DNAJA3: variants seen among roughly 807,000 people sequenced by gnomAD.
DNAJA3 encodes the protein DnaJ heat shock protein family (Hsp40) member A3.
A neutral mutation model predicts 54.9 loss-of-function variants in DNAJA3; 29 were observed. The observed-to-expected ratio is 0.53, with a 90% CI of 0.39 to 0.72. The LOEUF (loss-of-function observed/expected upper bound fraction) is 0.72. DNAJA3 is among the 30% of genes least tolerant of loss of function. DNAJA3 has a pLI of 0.00. For synonymous variants in DNAJA3, 302 were observed against 251.4 expected (o/e 1.20, Z -1.90); for missense variants, 708 against 639.4 (o/e 1.11, Z -1.16).
chr16:4,443,833 C>T (rs1164675630), intron 6 of DNAJA3, among the ~76,000 whole-genome samples: 2 of 152,080 alleles, frequency 1.3e-5, no homozygotes, highest in African/African-American at 4.8e-5. Context: ...ACTACAGGCA[C>T]CTGCCACCAC....
At position 4,454,807 on chromosome 16, in the gene DNAJA3, C is replaced by G; in HGVS notation, c.1340-4C>G. ...CGCCAGTTCTTTCTGCTGTTTGTGC[C>G]CAGGTGGCAGCACCATGGATAGCTC... On this transcript the variant is annotated splice_polypyrimidine_tract_variant and splice_region_variant and intron_variant, in intron 10 of 11. Coordinates refer to ENST00000262375, the MANE Select transcript of DNAJA3 (RefSeq NM_005147.6). 6.2e-7 allele frequency: 1 copy of G among 1,610,084 alleles called. No homozygotes were observed. Among genetic ancestry groups the G allele is most frequent in the Non-Finnish European group, 8.5e-7 (1 of 1,176,676 alleles).
At chr16:4,455,117 C>T (rs1203566807) in intron 11 of DNAJA3, among the ~76,000 whole-genome samples, 190 bp downstream of exon 11, 1 of 152,178 alleles carries the variant, frequency 6.6e-6, no homozygotes, top group Non-Finnish European at 1.5e-5. Flanking sequence ...TGGCAATCAG[C>T]CTGTAGTGCA....
At chr16:4,435,344 A>G (rs2141374769) in intron 2 of DNAJA3, among the ~76,000 whole-genome samples, 1 of 152,206 alleles carries the variant, frequency 6.6e-6, no homozygotes, top group Non-Finnish European at 1.5e-5. Flanking sequence ...AAATAAAATC[A>G]ATATTGGAGG....
intron 1 of DNAJA3, chr16:4,433,176 G>A (rs1302258250): frequency 6.6e-6 from 1 of 152,222 alleles, no homozygotes; most frequent in African/African-American, 2.4e-5. Context: ...TATCTGTTAA[G>A]TGGATGAACT....
chr16:4,449,153 T>G (rs1027572281), intron 9 of DNAJA3, among the ~76,000 whole-genome samples: 1 of 146,578 alleles, frequency 6.8e-6, no homozygotes, highest in Non-Finnish European at 1.5e-5. Flanking sequence ...CCTGCCACCA[T>G]GCCCGGCTAA....
chr16:4,434,190 C>T lies in DNAJA3; in HGVS notation c.212-194C>T, dbSNP rs545710042. The T allele has an allele frequency of 1.5e-5, 9 of 584,290 alleles. No homozygotes were observed. The East Asian group carries it at 2.1e-4, about 14-fold the overall frequency. 36.2% of individuals were successfully genotyped at this position (584,290 alleles called of 1,614,324 possible). On this transcript the variant is annotated intron_variant, in intron 1 of 11. Coordinates refer to ENST00000262375, the MANE Select transcript of DNAJA3 (RefSeq NM_005147.6). ...GTAACCGCTCCTGTGATTCAGTTAC[C>T]TCCCATCAGGTCCCTCCCATGACAC...
chr16:4,429,169 G>C (rs925178492), intron 1 of DNAJA3, among the ~76,000 whole-genome samples: 1 of 151,490 alleles, frequency 6.6e-6, no homozygotes, highest in African/African-American at 2.4e-5. Context: ...TTACAGGTGT[G>C]AGCCACCGCG....
intron 6 of DNAJA3, 24 bp downstream of exon 6, chr16:4,443,188 C>T: frequency 6.2e-7 from 1 of 1,612,970 alleles, no homozygotes; most frequent in South Asian, 1.1e-5. Flanking sequence ...CCCGCCATGT[C>T]CAGGAGCTTG....
In DNAJA3 at chr16:4,456,114, C is replaced by G. The variant is rs893334162; in HGVS notation, c.*582C>G. ...TTTTTATTCCCGGGGTACCAAGCAG[C>G]TGCACAGTCGGTGCCTGGGAGGCAC... On this transcript the variant is annotated 3_prime_UTR_variant, in exon 12 of 12. Coordinates refer to ENST00000262375, the MANE Select transcript of DNAJA3 (RefSeq NM_005147.6). 6.4e-6 allele frequency: 1 copy of G among 157,076 alleles called. No homozygotes were observed. Among genetic ancestry groups the G allele is most frequent in the Non-Finnish European group, 1.4e-5 (1 of 70,856 alleles). The allele number at this position is 157,076 out of a possible 1,614,324, so 9.7% of individuals were successfully genotyped here.
At position 4,442,629 on chromosome 16, in the gene DNAJA3, C is replaced by T. The variant is rs1273308645; in HGVS notation, c.783+209C>T. ...GCTCAGCAACCAGAGCACAGCAGCT[C>T]CGGGGGCGGGGCGGGGGATTGCATC... On this transcript the variant is annotated intron_variant, in intron 5 of 11. Transcript: ENST00000262375. 7 of 569,028 alleles carry T rather than the reference C, an allele frequency of 1.2e-5. No homozygotes were observed. In the East Asian group the frequency reaches 2.2e-4, roughly 18 times the overall value. 35.2% of individuals were successfully genotyped at this position (569,028 alleles called of 1,614,324 possible). A position where few individuals can be genotyped will look rare whatever the true frequency, so the allele number is the denominator to read the frequency against.
Position 4,454,944 on chromosome 16 carries a change from G to A in DNAJA3, c.*13+17G>A. The A allele has an allele frequency of 6.4e-7, 1 of 1,561,652 alleles. No homozygotes were observed. The highest frequency in any genetic ancestry group is 8.8e-7 in the Non-Finnish European group (1 of 1,136,068). ...CCAGCCGAGGTAGGAAAACCCTGGA[G>A]GTTTTTTTTCCCTTTGTTTTCCTCT... On this transcript the variant is annotated intron_variant, in intron 11 of 11. Coordinates refer to ENST00000262375, the MANE Select transcript of DNAJA3 (RefSeq NM_005147.6).
chr16:4,447,088 C>T, intron 8 of DNAJA3, 74 bp downstream of exon 8: 1 of 1,547,726 alleles, frequency 6.5e-7, no homozygotes, highest in Non-Finnish European at 8.7e-7. Flanking sequence ...AAGAACTGAC[C>T]AGTGGCCTGG....
At chr16:4,442,787 C>G in intron 5 of DNAJA3, 1 of 582,958 alleles carries the variant, frequency 1.7e-6, no homozygotes, top group Non-Finnish European at 3.0e-6. Flanking sequence ...TCATATTTTT[C>G]AGTGTCGTGT....
In DNAJA3 at chr16:4,442,357, C is replaced by T. The variant is rs145854204; in HGVS notation, c.720C>T (p.Asn240=). The change falls in exon 5 of 12, where the codon AAC becomes AAT. Residue 240 remains asparagine (N), a synonymous_variant. Coordinates refer to ENST00000262375, the MANE Select transcript of DNAJA3 (RefSeq NM_005147.6). ...TCATGGACACGTGTGAGCGCTGCAA[C>T]GGCAAGGGGAACGAGCCCGGCACCA... The part of the protein sequence containing the change: ...VNIMDTCERC[N]GKGNEPGTKV... 7.6e-5 allele frequency: 123 copies of T among 1,609,876 alleles called. 1 individual carries two copies. The South Asian group carries it at 9.2e-4, about 12-fold the overall frequency.
intron 1 of DNAJA3, 95 bp downstream of exon 1, chr16:4,426,187 G>T (rs904325857): frequency 3.1e-6 from 4 of 1,306,604 alleles, no homozygotes; most frequent in Middle Eastern, 2.0e-4. Context: ...TAGTGGGGTG[G>T]AGGGTGTCTT....
At chr16:4,442,571 C>T (rs757738103) in intron 5 of DNAJA3, 151 bp downstream of exon 5, 144 of 897,014 alleles carry the variant, frequency 1.6e-4, no homozygotes, top group Non-Finnish European at 1.3e-4. Context: ...CCTGAGGAGA[C>T]GAGCCTGTGC....
chr16:4,447,045 C>T, intron 8 of DNAJA3, 31 bp downstream of exon 8: 1 of 1,600,834 alleles, frequency 6.2e-7, no homozygotes, highest in Non-Finnish European at 8.5e-7. Context: ...CTTTGTCACC[C>T]CTGTACTTTA....
intron 10 of DNAJA3, among the ~76,000 whole-genome samples, chr16:4,453,480 C>G (rs778412192): frequency 1.3e-5 from 2 of 151,642 alleles, no homozygotes; most frequent in Non-Finnish European, 2.9e-5. Context: ...CTCTGTCACC[C>G]GGGCCGGAGT....
intron 1 of DNAJA3, chr16:4,431,017 C>A (rs1190952654): frequency 2.6e-5 from 4 of 152,150 alleles, no homozygotes; most frequent in African/African-American, 9.7e-5. Flanking sequence ...GCACTCCAGC[C>A]TGGGTGACAG....
Sources: gnomAD v4.1 joint callset for allele counts (sites outside exome capture counted in the v4.1 genomes callset) on GRCh38, gnomAD v4.1.1 for gene constraint, MANE v1.5 for transcripts, NCBI Gene and HGNC (gene_info 2026-07-23, HGNC 2026-07-21) for gene names.